TAPT1: variants seen among roughly 807,000 people sequenced by gnomAD.
The protein encoded by TAPT1 is transmembrane anterior posterior transformation 1.
TAPT1 carries 28 observed loss-of-function variants against 65.6 expected under a neutral mutation model. The ratio of observed to expected loss-of-function variants is 0.43; its 90% CI spans 0.32 to 0.59. The LOEUF (loss-of-function observed/expected upper bound fraction) is 0.59. Ranked by LOEUF, TAPT1 falls within the 20% of genes least tolerant of loss-of-function variation. TAPT1 has a pLI of 0.09. For synonymous variants in TAPT1, 278 were observed against 245.2 expected (o/e 1.13, Z -1.25); for missense variants, 563 against 679.9 (o/e 0.83, Z 1.91).
intron 3 of TAPT1, among the ~76,000 whole-genome samples, chr4:16,191,746 T>C (rs1008453229): frequency 1.9e-4 from 29 of 152,348 alleles, no homozygotes; most frequent in African/African-American, 7.0e-4. Flanking sequence ...GAATTACTAT[T>C]AGATGTTGGC....
intron 2 of TAPT1, among the ~76,000 whole-genome samples, chr4:16,204,558 A>G (rs775588400): frequency 6.6e-6 from 1 of 152,284 alleles, no homozygotes; most frequent in Non-Finnish European, 1.5e-5. Context: ...AGTGAAAACA[A>G]TAAAAGGACA....
At chr4:16,225,544 A>G (rs1473059644) in intron 1 of TAPT1, among the ~76,000 whole-genome samples, 2 of 152,246 alleles carry the variant, frequency 1.3e-5, no homozygotes, top group African/African-American at 4.8e-5. Context: ...ATACAAATGC[A>G]AGTTTTAAAA....
chr4:16,214,484 C>G (rs1191094226), intron 1 of TAPT1: 6 of 152,230 alleles, frequency 3.9e-5, no homozygotes, highest in Admixed American at 2.6e-4. Flanking sequence ...TCAGAAAAAC[C>G]TCCCTTTCCT....
intron 2 of TAPT1, among the ~76,000 whole-genome samples, chr4:16,204,884 T>C (rs903159345): frequency 3.9e-5 from 6 of 152,252 alleles, no homozygotes; most frequent in Non-Finnish European, 8.8e-5. Context: ...CATTTTAAAA[T>C]AAAGTTTAAC....
intron 3 of TAPT1, among the ~76,000 whole-genome samples, chr4:16,193,618 G>T (rs1749516341): frequency 6.6e-6 from 1 of 152,168 alleles, no homozygotes; most frequent in Non-Finnish European, 1.5e-5. Flanking sequence ...TATCTGCCAA[G>T]AATTGGATCT....
chr4:16,177,728 T>G (rs1164099243), intron 8 of TAPT1, among the ~76,000 whole-genome samples: 1 of 152,166 alleles, frequency 6.6e-6, no homozygotes, highest in Non-Finnish European at 1.5e-5. Flanking sequence ...TGCACAGCAA[T>G]GTGCCTGGCA....
At chr4:16,201,781 C>T (rs1750046737) in intron 3 of TAPT1, among the ~76,000 whole-genome samples, 2 of 152,124 alleles carry the variant, frequency 1.3e-5, no homozygotes, top group Admixed American at 6.5e-5. Context: ...ATCTTCCAAT[C>T]TTTGTGGTAA....
chr4:16,204,805 A>G (rs1350686432), intron 2 of TAPT1, among the ~76,000 whole-genome samples: 3 of 152,240 alleles, frequency 2.0e-5, no homozygotes, highest in Non-Finnish European at 4.4e-5. Context: ...AAACTGAAGC[A>G]CTATTTCTAC....
At chr4:16,170,305 G>A (rs1025396085) in intron 12 of TAPT1, among the ~76,000 whole-genome samples, 1 of 152,110 alleles carries the variant, frequency 6.6e-6, no homozygotes, top group Non-Finnish European at 1.5e-5. Flanking sequence ...AATTCAATGT[G>A]GCAAACATAT....
chr4:16,168,416 G>C (rs1747778867), intron 12 of TAPT1, among the ~76,000 whole-genome samples: 1 of 152,162 alleles, frequency 6.6e-6, no homozygotes, highest in African/African-American at 2.4e-5. Context: ...CTTCTGCTCA[G>C]CTCCTTTCGT....
intron 12 of TAPT1, among the ~76,000 whole-genome samples, chr4:16,170,279 C>CTG (rs1747906940): frequency 6.6e-6 from 1 of 152,172 alleles, no homozygotes; most frequent in Non-Finnish European, 1.5e-5. Context: ...TGATGCCTGC[C>CTG]TACAGTGTGC....
chr4:16,163,505 T>C lies in TAPT1; in HGVS notation c.1507A>G (p.Ile503Val), dbSNP rs762043208. ...LSTEENLSAS[I>V]TKQPIHQKEN... Reference sequence around the variant, plus strand: ...TTTTGATGAATAGGTTGTTTGGTGATGGAGGCAGACAGGTTTTCTTCTGTG... The same window carrying C: ...TTTTGATGAATAGGTTGTTTGGTGACGGAGGCAGACAGGTTTTCTTCTGTG... Residue 503 changes from isoleucine (I) to valine (V), a missense_variant, in exon 14 of 14, where the codon ATC becomes GTC. By Grantham distance (29) the Ile-to-Val change is conservative (BLOSUM62 3). Coordinates refer to ENST00000405303, the MANE Select transcript of TAPT1 (RefSeq NM_153365.3). 35 of 1,613,908 alleles carry C rather than the reference T, an allele frequency of 2.2e-5. No homozygotes were observed. The highest frequency in any genetic ancestry group is 4.0e-5 in the African/African-American group (3 of 74,948).
intron 7 of TAPT1, among the ~76,000 whole-genome samples, chr4:16,185,571 G>T (rs1441450969): frequency 2.6e-5 from 4 of 152,134 alleles, no homozygotes; most frequent in Admixed American, 2.6e-4. Context: ...GTTTTACCAT[G>T]TTGGCCGGGC....
chr4:16,192,941 C>T (rs1749458713), intron 3 of TAPT1, among the ~76,000 whole-genome samples: 1 of 152,162 alleles, frequency 6.6e-6, no homozygotes, highest in Non-Finnish European at 1.5e-5. Context: ...AATGCTTTTC[C>T]TCCAAAGATC....
chr4:16,173,807 A>C (rs1482487446), intron 11 of TAPT1, among the ~76,000 whole-genome samples: 1 of 152,250 alleles, frequency 6.6e-6, no homozygotes, highest in African/African-American at 2.4e-5. Context: ...AAATGACTGA[A>C]TTAAAGCATG....
intron 11 of TAPT1, among the ~76,000 whole-genome samples, chr4:16,171,415 A>G (rs1321016127): frequency 6.6e-6 from 1 of 152,224 alleles, no homozygotes; most frequent in Non-Finnish European, 1.5e-5. Context: ...ATCTGGTGGA[A>G]TCAGTTAAAG....
At chr4:16,227,353 C>T (rs768156181), upstream of TAPT1, 57 of 454,292 alleles carry the variant, frequency 1.3e-4, no homozygotes, top group Middle Eastern at 3.3e-4. Flanking sequence ...CCAGCTCTGG[C>T]GTGTGACCCC....
intron 8 of TAPT1, among the ~76,000 whole-genome samples, chr4:16,178,679 A>T (rs905534993): frequency 3.9e-5 from 6 of 152,198 alleles, no homozygotes; most frequent in African/African-American, 1.4e-4. Flanking sequence ...AGAAACTAGC[A>T]TATGCTCAGT....
intron 3 of TAPT1, among the ~76,000 whole-genome samples, chr4:16,200,783 T>C (rs570842238): frequency 6.6e-6 from 1 of 152,314 alleles, no homozygotes; most frequent in African/African-American, 2.4e-5. Context: ...CATGATATCA[T>C]GAAGCTCCCA....
Sources: allele counts gnomAD v4.1 joint callset (sites outside exome capture counted in the v4.1 genomes callset), GRCh38; gene constraint gnomAD v4.1.1; transcripts MANE v1.5; gene names NCBI Gene and HGNC (gene_info 2026-07-23, HGNC 2026-07-21).